TAF3: variants seen among roughly 807,000 people sequenced by gnomAD.
TAF3 encodes transcription initiation factor TFIID subunit 3.
A neutral mutation model predicts 80.6 loss-of-function variants in TAF3; 7 were observed. The observed-to-expected ratio is 0.09, with a 90% confidence interval of 0.05 to 0.16. TAF3 has a LOEUF of 0.16. Ranked by LOEUF, TAF3 falls within the 10% of genes least tolerant of loss-of-function variation. The pLI is 1.00. For missense variants in TAF3, 921 were observed against 1,140.2 expected, an observed-to-expected ratio of 0.81 and a Z score of 2.77; for synonymous variants, 444 against 446.1, an observed-to-expected ratio of 1.00 and a Z score of 0.06.
intron 2 of TAF3, among the ~76,000 whole-genome samples, chr10:7,948,406 A>T (rs534193110): frequency 6.6e-6 from 1 of 152,052 alleles, no homozygotes; most frequent in Non-Finnish European, 1.5e-5. Flanking sequence ...GATTTTAAGA[A>T]TGTTTATTCT....
At chr10:8,003,381 T>C (rs1365125714) in intron 4 of TAF3, among the ~76,000 whole-genome samples, 1 of 152,234 alleles carries the variant, frequency 6.6e-6, no homozygotes, top group Non-Finnish European at 1.5e-5. Context: ...ACTTTAGCTC[T>C]GTTTACCCAT....
Position 8,009,191 on chromosome 10 carries a change from C to G in TAF3, c.2429C>G (p.Pro810Arg). ...APAPGPMLVS[P>R]APVPLPLLAQ... ...GCCCCCGGCCCCATGCTCGTCAGCCCTGCGCCCGTGCCGCTGCCGCTGCTC... is the reference window on the plus strand; with the variant it reads ...GCCCCCGGCCCCATGCTCGTCAGCCGTGCGCCCGTGCCGCTGCCGCTGCTC... The change falls in exon 5 of 7, where the codon CCT (proline) becomes CGT (arginine). Residue 810 changes from proline (P) to arginine (R), a missense_variant. By Grantham distance (103) the Pro-to-Arg change is moderately radical. This residue lies in a region of TAF3 where 743 missense variants were observed against 821.0 expected (regional missense o/e 0.90). Transcript: ENST00000344293. The surrounding 1 kb of genome is among the most constrained non-coding windows in gnomAD (Gnocchi z 4.1). 2 of 1,473,104 alleles carry G rather than the reference C, an allele frequency of 1.4e-6. No individual in the cohort carries two copies. The highest frequency in any genetic ancestry group is 2.4e-4 in the Middle Eastern group (1 of 4,206). The allele number at this position is 1,473,104 out of a possible 1,614,324, so 91.3% of individuals were successfully genotyped here.
At chr10:7,956,779 T>C (rs1480605387) in intron 2 of TAF3, among the ~76,000 whole-genome samples, 1 of 152,202 alleles carries the variant, frequency 6.6e-6, no homozygotes, top group African/African-American at 2.4e-5. Context: ...CTTCTTACTG[T>C]GGCCATTTCT....
chr10:7,978,873 AT>A (rs1428023348), intron 4 of TAF3, among the ~76,000 whole-genome samples: 2 of 152,194 alleles, frequency 1.3e-5, no homozygotes, highest in Non-Finnish European at 2.9e-5. Context: ...GAGGAATAAG[AT>A]TTGTTAAAAG....
Position 8,013,754 on chromosome 10 carries a change from G to C in TAF3, c.2592G>C (p.Gln864His), listed in dbSNP as rs1196046544. Residue 864 changes from glutamine to histidine, a missense_variant, in exon 6 of 7, where the codon CAG becomes CAC. Coordinates refer to ENST00000344293, the MANE Select transcript of TAF3 (RefSeq NM_031923.4). ...AGATCCGAGATGAGTGGGGCAATCA[G>C]ATCTGGATCTGCCCTGGGTGTAACA... Reference protein sequence around the residue: ...TYVIRDEWGNQIWICPGCNKP... With the variant: ...TYVIRDEWGNHIWICPGCNKP... 6.2e-7 allele frequency: 1 copy of C among 1,614,104 alleles called. No individual in the cohort carries two copies.
intron 2 of TAF3, among the ~76,000 whole-genome samples, chr10:7,863,347 A>T (rs1312473738): frequency 2.0e-5 from 3 of 152,014 alleles, no homozygotes; most frequent in Admixed American, 1.3e-4. Context: ...ATGACAGGTC[A>T]CACCTGTAAT....
chr10:7,947,801 G>A (rs1337903057), intron 2 of TAF3, among the ~76,000 whole-genome samples: 2 of 152,152 alleles, frequency 1.3e-5, no homozygotes, highest in African/African-American at 4.8e-5. Context: ...GGAGGCTTTT[G>A]AGCAGGGAAA....
intron 2 of TAF3, among the ~76,000 whole-genome samples, chr10:7,826,940 T>C (rs1209930153): frequency 1.3e-5 from 2 of 152,212 alleles, no homozygotes; most frequent in African/African-American, 4.8e-5. Context: ...CCTTTGATAA[T>C]GATGCTGTTC....
chr10:7,872,232 TTC>T (rs1491490616), intron 2 of TAF3, among the ~76,000 whole-genome samples: 2 of 145,808 alleles, frequency 1.4e-5, no homozygotes, highest in Non-Finnish European at 3.1e-5. Context: ...TTTTTTTTTT[TTC>T]TTTCTTTCCC....
chr10:7,982,591 G>C (rs889627797), intron 4 of TAF3, among the ~76,000 whole-genome samples: 7 of 152,100 alleles, frequency 4.6e-5, no homozygotes, highest in African/African-American at 1.7e-4. Flanking sequence ...GTAGAGATGG[G>C]GTTTCACCAT....
chr10:7,990,168 T>C (rs1356564765), intron 4 of TAF3, among the ~76,000 whole-genome samples: 1 of 152,228 alleles, frequency 6.6e-6, no homozygotes, highest in African/African-American at 2.4e-5. Context: ...TGAGAAATGC[T>C]GCTTGATCTG....
intron 2 of TAF3, among the ~76,000 whole-genome samples, chr10:7,905,666 G>T (rs537638320): frequency 6.6e-6 from 1 of 152,264 alleles, no homozygotes; most frequent in South Asian, 2.1e-4. Flanking sequence ...CAGATTACGA[G>T]GTCAGGAGTT....
At chr10:7,993,283 A>G (rs1001533540) in intron 4 of TAF3, among the ~76,000 whole-genome samples, 1 of 152,210 alleles carries the variant, frequency 6.6e-6, no homozygotes, top group African/African-American at 2.4e-5. Context: ...AGCTCAAGCC[A>G]TCCTCCCACC....
intron 5 of TAF3, among the ~76,000 whole-genome samples, chr10:8,010,509 A>G (rs1239755627): frequency 6.6e-6 from 1 of 152,210 alleles, no homozygotes; most frequent in Non-Finnish European, 1.5e-5. Context: ...TAATAGCACT[A>G]ATTATATTTT....
intron 2 of TAF3, among the ~76,000 whole-genome samples, chr10:7,952,159 G>T (rs1434757521): frequency 6.6e-6 from 1 of 152,122 alleles, no homozygotes; most frequent in African/African-American, 2.4e-5. Flanking sequence ...CCTGGATATG[G>T]AATCTTAGTT....
chr10:7,850,782 A>T lies in TAF3; in HGVS notation c.409+26222A>T, dbSNP rs574306665. On this transcript the variant is annotated intron_variant, in intron 2 of 6. Transcript: ENST00000344293. ...ATACATATTCTAATATTTAAGAGAG[A>T]AAAGTTTAGCTTTAGGGTTTCAGGT... Among the ~76,000 whole-genome samples the T allele has an allele frequency of 2.6e-5, 4 of 152,310 alleles. No homozygotes were observed. In the East Asian group the frequency reaches 7.7e-4, roughly 29 times the overall value.
At chr10:7,911,813 C>T (rs1380446264) in intron 2 of TAF3, among the ~76,000 whole-genome samples, 2 of 152,174 alleles carry the variant, frequency 1.3e-5, no homozygotes, top group African/African-American at 4.8e-5. Context: ...CCATTTTGGT[C>T]GACAGCCACA....
intron 3 of TAF3, among the ~76,000 whole-genome samples, chr10:7,966,007 T>G (rs1040323924): frequency 1.5e-4 from 22 of 151,310 alleles, no homozygotes; most frequent in South Asian, 4.2e-4. Flanking sequence ...TTAGCTATAG[T>G]GATCTCTGGC....
At chr10:7,891,756 G>A (rs192122607) in intron 2 of TAF3, among the ~76,000 whole-genome samples, 57 of 152,258 alleles carry the variant, frequency 3.7e-4, no homozygotes, top group Admixed American at 2.4e-3. Flanking sequence ...TGAGCTCTTA[G>A]GGTAAAACAC....
Sources: allele counts gnomAD v4.1 joint callset (sites outside exome capture counted in the v4.1 genomes callset), GRCh38; gene constraint gnomAD v4.1.1; regional missense constraint gnomAD v4.1.1; non-coding constraint Gnocchi (gnomAD v3.1); transcripts MANE v1.5; gene names NCBI Gene and HGNC (gene_info 2026-07-23, HGNC 2026-07-21).